Variants in TIAM1 observed in about 807,000 individuals in gnomAD.
The protein encoded by TIAM1 is TIAM Rac1 associated GEF 1.
A neutral mutation model predicts 163.5 loss-of-function variants in TIAM1; 65 were observed. That is an observed-to-expected ratio of 0.40 (90% CI 0.33 to 0.49). TIAM1 has a LOEUF of 0.49. Ranked by LOEUF, TIAM1 falls within the 20% of genes least tolerant of loss-of-function variation. The pLI is 0.77. For synonymous variants in TIAM1, 833 were observed against 810.1 expected, an observed-to-expected ratio of 1.03 and a Z score of -0.48; for missense variants, 1,789 against 2,044.7, an observed-to-expected ratio of 0.87 and a Z score of 2.41.
At chr21:31,154,494 A>T (rs1278865895) in intron 16 of TIAM1, 68 bp from the exon 17 acceptor site, 1 of 1,544,316 alleles carries the variant, frequency 6.5e-7, no homozygotes, top group Non-Finnish European at 8.8e-7. Flanking sequence ...TGACACCTGG[A>T]CCGCCTAGAG....
chr21:31,490,667 C>T (rs992897947), intron 1 of TIAM1, among the ~76,000 whole-genome samples: 17 of 152,176 alleles, frequency 1.1e-4, no homozygotes, highest in African/African-American at 3.9e-4. Flanking sequence ...GACTCAGCTG[C>T]CACCAATGGA....
intron 8 of TIAM1, among the ~76,000 whole-genome samples, chr21:31,221,191 G>A (rs376815754): frequency 7.2e-5 from 11 of 152,258 alleles, no homozygotes; most frequent in South Asian, 2.1e-4. Context: ...TTCCCTGCCC[G>A]GGATCTTCCA....
At chr21:31,525,159 C>T (rs1450590511) in intron 1 of TIAM1, among the ~76,000 whole-genome samples, 1 of 152,026 alleles carries the variant, frequency 6.6e-6, no homozygotes, top group Non-Finnish European at 1.5e-5. Flanking sequence ...CACCTGAGGT[C>T]AAGAGTTCAA....
chr21:31,534,543 T>G (rs2048067162), intron 1 of TIAM1, among the ~76,000 whole-genome samples: 2 of 151,936 alleles, frequency 1.3e-5, no homozygotes, highest in Non-Finnish European at 2.9e-5. Flanking sequence ...GGCATGGTGG[T>G]GTGTATCTGT....
chr21:31,291,723 A>T (rs1601845656), intron 2 of TIAM1, among the ~76,000 whole-genome samples: 1 of 152,212 alleles, frequency 6.6e-6, no homozygotes, highest in African/African-American at 2.4e-5. Context: ...GAGTTTCGCC[A>T]TGTTGGCCAG....
At position 31,182,510 on chromosome 21, in the gene TIAM1, C is replaced by T. The variant is rs1194968925; in HGVS notation, c.2798G>A (p.Gly933Glu). Reference protein sequence around the residue: ...LVRTYPELEEGVELLESPPHR... With the variant: ...LVRTYPELEEEVELLESPPHR... ...GGGCGGGCTTTCCAGCAGCTCCACT[C>T]CTTCCTCCAGCTCGGGGTAGGTCCT... Residue 933 changes from glycine to glutamate, a missense_variant, in exon 15 of 28, where the codon GGA (glycine) becomes GAA (glutamate). Coordinates refer to ENST00000541036, the MANE Select transcript of TIAM1 (RefSeq NM_001353694.2). 1.9e-6 allele frequency: 3 copies of T among 1,613,584 alleles called. No individual in the cohort carries two copies. The highest frequency in any genetic ancestry group is 1.3e-5 in the African/African-American group (1 of 74,912).
At chr21:31,258,558 G>T (rs953254807) in intron 4 of TIAM1, among the ~76,000 whole-genome samples, 5 of 152,168 alleles carry the variant, frequency 3.3e-5, no homozygotes, top group East Asian at 1.9e-4. Context: ...TAGGCTGGAC[G>T]CAGTGGCTCA....
At chr21:31,327,232 G>A (rs1249446068) in intron 2 of TIAM1, among the ~76,000 whole-genome samples, 1 of 152,184 alleles carries the variant, frequency 6.6e-6, no homozygotes, top group East Asian at 1.9e-4. Flanking sequence ...CTGGGCTGCA[G>A]AGAACCCGAA....
At chr21:31,442,066 A>AAAAAAAAAAAAT in intron 2 of TIAM1, among the ~76,000 whole-genome samples, 1 of 18,782 alleles carries the variant, frequency 5.3e-5, no homozygotes, top group African/African-American at 2.4e-4. Flanking sequence ...AGAACAAATA[A>AAAAAAAAAAAAT]ATAAATATAT....
intron 2 of TIAM1, among the ~76,000 whole-genome samples, chr21:31,377,753 G>T (rs1193164399): frequency 6.6e-6 from 1 of 151,566 alleles, no homozygotes; most frequent in African/African-American, 2.4e-5. Flanking sequence ...GGTCTTCTTG[G>T]ATACCACATC....
At chr21:31,556,478 A>C (rs1035880110) in intron 1 of TIAM1, among the ~76,000 whole-genome samples, 1 of 151,818 alleles carries the variant, frequency 6.6e-6, no homozygotes, top group Admixed American at 6.6e-5. Flanking sequence ...CATTCAAAGA[A>C]TGTGTTGTTG....
intron 14 of TIAM1, 69 bp from the exon 15 acceptor site, chr21:31,182,714 G>A: frequency 6.8e-7 from 1 of 1,473,036 alleles, no homozygotes; most frequent in Non-Finnish European, 9.2e-7. Flanking sequence ...TAGGAGCTCT[G>A]CTATAAAGGG....
chr21:31,256,760 T>C (rs1408725685), intron 4 of TIAM1, among the ~76,000 whole-genome samples: 1 of 152,186 alleles, frequency 6.6e-6, no homozygotes, highest in Non-Finnish European at 1.5e-5. Flanking sequence ...TTTCTTGATA[T>C]GTATAATGGG....
upstream of TIAM1, among the ~76,000 whole-genome samples, chr21:31,344,913 TTTG>T: frequency 2.6e-5 from 4 of 152,150 alleles, no homozygotes; most frequent in Non-Finnish European, 5.9e-5. Flanking sequence ...CTGCCCCAAA[TTTG>T]ATTTCCCATG....
chr21:31,428,669 G>A (rs930962781), intron 2 of TIAM1, among the ~76,000 whole-genome samples: 1 of 152,112 alleles, frequency 6.6e-6, no homozygotes, highest in Non-Finnish European at 1.5e-5. Flanking sequence ...AATGGCTTGA[G>A]GCCAGGAGTT....
chr21:31,541,702 T>A (rs977243364), intron 1 of TIAM1, among the ~76,000 whole-genome samples: 1 of 152,116 alleles, frequency 6.6e-6, no homozygotes, highest in Non-Finnish European at 1.5e-5. Context: ...GTTACAATTA[T>A]ATAAAAAGTA....
chr21:31,340,927 G>C (rs1602042833), intron 1 of TIAM1, among the ~76,000 whole-genome samples: 1 of 151,656 alleles, frequency 6.6e-6, no homozygotes, highest in East Asian at 1.9e-4. Flanking sequence ...GAAATGGTAA[G>C]ATAATCAACT....
intron 3 of TIAM1, among the ~76,000 whole-genome samples, chr21:31,273,545 T>A (rs1446628203): frequency 3.3e-5 from 5 of 152,166 alleles, no homozygotes; most frequent in African/African-American, 1.2e-4. Flanking sequence ...TGAACTGACA[T>A]TAGAGCCTCC....
intron 12 of TIAM1, 86 bp downstream of exon 12, chr21:31,202,822 T>C: frequency 1.5e-6 from 2 of 1,318,446 alleles, no homozygotes; most frequent in Admixed American, 1.9e-5. Context: ...CTCGTTCCAC[T>C]CCACCAACTA....
Sources: gnomAD v4.1 joint callset for allele counts (sites outside exome capture counted in the v4.1 genomes callset) on GRCh38, gnomAD v4.1.1 for gene constraint, MANE v1.5 for transcripts, NCBI Gene and HGNC (gene_info 2026-07-23, HGNC 2026-07-21) for gene names.